POU2F3: variants seen among roughly 807,000 people sequenced by gnomAD.
The protein encoded by POU2F3 is POU class 2 homeobox 3.
In POU2F3, 23 loss-of-function variants were observed where a neutral mutation model predicts 59.2. The observed-to-expected ratio is 0.39, with a 90% CI of 0.28 to 0.55. The LOEUF (loss-of-function observed/expected upper bound fraction) is 0.55, where lower values mean the gene tolerates loss of function less well. Ranked by LOEUF, POU2F3 falls within the 20% of genes least tolerant of loss-of-function variation. The probability of loss-of-function intolerance (pLI) is 0.66; values close to 1 mark genes in which losing one functional copy is unlikely to be tolerated. For missense variants in POU2F3, 473 were observed against 544.5 expected, an observed-to-expected ratio of 0.87 and a Z score of 1.31; for synonymous variants, 190 against 214.6, an observed-to-expected ratio of 0.89 and a Z score of 1.00.
At chr11:120,278,764 G>C (rs11217780) in intron 3 of POU2F3, among the ~76,000 whole-genome samples, 1,878 of 152,252 alleles carry the variant, frequency 0.012, 31 homozygotes, top group African/African-American at 0.043. Context: ...GGGCCTGTCA[G>C]GGGGTGGAGG....
chr11:120,237,068 C>T (rs1480711764), upstream of POU2F3, among the ~76,000 whole-genome samples: 3 of 152,162 alleles, frequency 2.0e-5, no homozygotes, highest in South Asian at 2.1e-4. Context: ...AAAATCCTGG[C>T]TTTGGGGTTG....
intron 1 of POU2F3, among the ~76,000 whole-genome samples, chr11:120,244,302 A>G (rs1938783627): frequency 6.6e-6 from 1 of 152,206 alleles, no homozygotes. Flanking sequence ...GCATGAGAAG[A>G]AGGCAGGAAG....
At chr11:120,288,139 A>AAAAAAAAAAAAAAAAAAAAAAAAAT (rs1940870752) in intron 3 of POU2F3, among the ~76,000 whole-genome samples, 1 of 148,912 alleles carries the variant, frequency 6.7e-6, no homozygotes, top group Non-Finnish European at 1.5e-5. Flanking sequence ...AAAAAAAAAA[A>AAAAAAAAAAAAAAAAAAAAAAAAAT]AAAAAAAAAC....
At chr11:120,271,793 C>A (rs1383030950) in intron 3 of POU2F3, among the ~76,000 whole-genome samples, 1 of 152,152 alleles carries the variant, frequency 6.6e-6, no homozygotes, top group African/African-American at 2.4e-5. Flanking sequence ...AGTTTGTTTC[C>A]CTTGGATGAG....
intron 3 of POU2F3, among the ~76,000 whole-genome samples, chr11:120,288,132 A>AAAAAAAAAAAAAAAAAAAC (rs1940868500): frequency 6.9e-6 from 1 of 145,462 alleles, no homozygotes; most frequent in South Asian, 2.3e-4. Flanking sequence ...AAAAACCAAA[A>AAAAAAAAAAAAAAAAAAAC]AAAAAAAAAA....
intron 2 of POU2F3, chr11:120,250,361 C>T (rs1198564505): frequency 6.6e-6 from 1 of 152,246 alleles, no homozygotes; most frequent in Non-Finnish European, 1.5e-5. Context: ...AAGAGCATCC[C>T]TGTCCTCAAG....
At chr11:120,248,677 A>G (rs1172654135) in intron 2 of POU2F3, among the ~76,000 whole-genome samples, 3 of 152,186 alleles carry the variant, frequency 2.0e-5, no homozygotes, top group Admixed American at 6.5e-5. Context: ...CTTTCACTTC[A>G]GGGCTCCCGG....
At chr11:120,307,375 C>A in intron 8 of POU2F3, 104 bp from the exon 9 acceptor site, 1 of 1,337,390 alleles carries the variant, frequency 7.5e-7, no homozygotes, top group Non-Finnish European at 1.0e-6. Context: ...CTGAAAATGC[C>A]ACTGCAGAGC....
chr11:120,245,334 C>T (rs980650993), intron 1 of POU2F3, among the ~76,000 whole-genome samples: 4 of 152,124 alleles, frequency 2.6e-5, no homozygotes, highest in Non-Finnish European at 5.9e-5. Flanking sequence ...ATCTCCAGAC[C>T]TGGGCATCCG....
intron 2 of POU2F3, among the ~76,000 whole-genome samples, chr11:120,268,146 T>C (rs1371215947): frequency 6.6e-6 from 1 of 152,112 alleles, no homozygotes; most frequent in Non-Finnish European, 1.5e-5. Flanking sequence ...AGGAGAAATA[T>C]TTATGATGCT....
At chr11:120,271,458 G>A (rs1356670881) in intron 3 of POU2F3, among the ~76,000 whole-genome samples, 2 of 152,160 alleles carry the variant, frequency 1.3e-5, no homozygotes, top group Non-Finnish European at 2.9e-5. Context: ...ATGTGTCTTG[G>A]GCCCTGTGCT....
chr11:120,311,013 C>T (rs746993096), intron 10 of POU2F3, among the ~76,000 whole-genome samples: 15 of 152,026 alleles, frequency 9.9e-5, no homozygotes, highest in African/African-American at 1.9e-4. Flanking sequence ...GTCTAAAGGA[C>T]GAAGAGGAAT....
intron 4 of POU2F3, among the ~76,000 whole-genome samples, chr11:120,299,279 G>A (rs926578321): frequency 2.0e-5 from 3 of 152,172 alleles, no homozygotes; most frequent in African/African-American, 4.8e-5. Context: ...GTTATCTCTA[G>A]GATAAACTTT....
intron 3 of POU2F3, among the ~76,000 whole-genome samples, chr11:120,277,047 A>G (rs1185558970): frequency 6.6e-6 from 1 of 152,174 alleles, no homozygotes; most frequent in Admixed American, 6.5e-5. Context: ...CAAAAATACA[A>G]AATACAAAAA....
intron 7 of POU2F3, 96 bp downstream of exon 7, chr11:120,305,308 G>A (rs1414237155): frequency 8.0e-6 from 11 of 1,381,644 alleles, no homozygotes; most frequent in Non-Finnish European, 1.1e-5. Flanking sequence ...GAGGCTCGAT[G>A]TGTTTGGGGT....
intron 3 of POU2F3, among the ~76,000 whole-genome samples, chr11:120,297,141 A>G (rs1040332340): frequency 6.6e-6 from 1 of 152,212 alleles, no homozygotes; most frequent in Non-Finnish European, 1.5e-5. Context: ...ATCTCTTATA[A>G]GTATGGTCTA....
intron 3 of POU2F3, among the ~76,000 whole-genome samples, chr11:120,278,912 A>G (rs1395622223): frequency 1.3e-5 from 2 of 152,188 alleles, no homozygotes; most frequent in Non-Finnish European, 2.9e-5. Context: ...TAAAGTATAT[A>G]TAAAAAAAGA....
At chr11:120,253,759 C>T (rs896108847) in intron 2 of POU2F3, 1 of 152,208 alleles carries the variant, frequency 6.6e-6, no homozygotes, top group Non-Finnish European at 1.5e-5. Flanking sequence ...CCTTGTGGTG[C>T]ACTACCTTAG....
In POU2F3 at chr11:120,309,426, A is replaced by G. The variant is rs2135125306; in HGVS notation, c.908A>G (p.Asn303Ser). 1.9e-6 allele frequency: 3 copies of G among 1,612,980 alleles called. No homozygotes were observed. In the East Asian group the frequency reaches 6.7e-5, roughly 36 times the overall value. ...ACTCTGTCCTTTCGGTGCCTATAGA[A>G]CCCAAAACCCAGCTCGGAGGAGATC... The part of the protein sequence containing the change: ...RLTLEKRFQD[N>S]PKPSSEEISM... Residue 303 changes from asparagine to serine, a missense_variant and splice_region_variant, in exon 10 of 13, where the codon AAC (asparagine) becomes AGC (serine). By Grantham distance (46) the Asn-to-Ser change is conservative. Transcript: ENST00000543440.
Sources: allele counts gnomAD v4.1 joint callset (sites outside exome capture counted in the v4.1 genomes callset), GRCh38; gene constraint gnomAD v4.1.1; transcripts MANE v1.5; gene names NCBI Gene and HGNC (gene_info 2026-07-23, HGNC 2026-07-21).